The following NTNG1 variants were observed in gnomAD, a reference collection of about 807,000 sequenced individuals.
NTNG1 encodes the protein netrin G1, also known as netrin-G1.
A neutral mutation model predicts 54.0 loss-of-function variants in NTNG1; 16 were observed. The ratio of observed to expected loss-of-function variants is 0.30; its 90% CI spans 0.20 to 0.45. The LOEUF is 0.45. Ranked by LOEUF, NTNG1 falls within the 20% of genes least tolerant of loss-of-function variation. The pLI is 1.00. For synonymous variants in NTNG1, 255 were observed against 263.1 expected, an observed-to-expected ratio of 0.97 and a Z score of 0.30; for missense variants, 530 against 678.7, an observed-to-expected ratio of 0.78 and a Z score of 2.43.
rs373796820 is a variant in NTNG1 at position 107,254,674 on chromosome 1, G to A, written c.247-69608G>A. ...ATAGGATTTTGTGCAATGGGGAATC[G>A]TAACAAATTTAAATAGAAGAGTACT... On this transcript the variant is annotated intron_variant, in intron 2 of 7. Coordinates refer to ENST00000370068, the MANE Select transcript of NTNG1 (RefSeq NM_001113226.3). Among the ~76,000 whole-genome samples the A allele has an allele frequency of 3.3e-5, 5 of 152,212 alleles. No homozygotes were observed. The East Asian group carries it at 5.8e-4, about 18-fold the overall frequency.
At position 107,267,664 on chromosome 1, in the gene NTNG1, T is replaced by C. The variant is rs1299470537; in HGVS notation, c.247-56618T>C. Among the ~76,000 whole-genome samples the C allele has an allele frequency of 2.0e-5, 3 of 152,188 alleles. No individual in the cohort carries two copies. In the East Asian group the frequency reaches 5.8e-4, roughly 29 times the overall value. On this transcript the variant is annotated intron_variant, in intron 2 of 7. Transcript: ENST00000370068. Reference sequence around the variant, plus strand: ...AGTCCCCAGGGTGTCCACCATACTCTTGCCCTCAGGTCTTTGAACGTGCTG... The same window carrying C: ...AGTCCCCAGGGTGTCCACCATACTCCTGCCCTCAGGTCTTTGAACGTGCTG...
At chr1:107,211,310 C>T (rs72981679) in intron 2 of NTNG1, among the ~76,000 whole-genome samples, 1 of 152,114 alleles carries the variant, frequency 6.6e-6, no homozygotes, top group African/African-American at 2.4e-5. Flanking sequence ...TGAAGCTAAG[C>T]CCCAGACTGA....
At chr1:107,376,276 C>T (rs538662833) in intron 3 of NTNG1, among the ~76,000 whole-genome samples, 128 of 152,128 alleles carry the variant, frequency 8.4e-4, no homozygotes, top group Middle Eastern at 3.4e-3. Flanking sequence ...GGCGCGGTGG[C>T]GGGCGCCTGT....
chr1:107,318,269 A>G (rs1007978733), intron 2 of NTNG1, among the ~76,000 whole-genome samples: 1 of 152,046 alleles, frequency 6.6e-6, no homozygotes, highest in Non-Finnish European at 1.5e-5. Context: ...CACACTCTGG[A>G]TGTTACCCAC....
intron 3 of NTNG1, among the ~76,000 whole-genome samples, chr1:107,335,699 A>G (rs2101909574): frequency 6.6e-6 from 1 of 152,012 alleles, no homozygotes; most frequent in African/African-American, 2.4e-5. Context: ...GTATCGTCAG[A>G]AAAAAATAGT....
chr1:107,383,053 T>G (rs954338929), intron 3 of NTNG1, among the ~76,000 whole-genome samples: 1 of 152,252 alleles, frequency 6.6e-6, no homozygotes, highest in Non-Finnish European at 1.5e-5. Flanking sequence ...TGGAGTGTAG[T>G]ATTCTTTTAC....
At chr1:107,454,966 G>A (rs1382687959) in intron 7 of NTNG1, among the ~76,000 whole-genome samples, 14 of 152,100 alleles carry the variant, frequency 9.2e-5, no homozygotes, top group Non-Finnish European at 2.1e-4. Flanking sequence ...TGCTACGTGT[G>A]AGCACAGTGC....
rs542984135 is a variant in NTNG1, at chr1:107,294,527, C to T, written c.247-29755C>T. Among the ~76,000 whole-genome samples, 5 of 152,260 alleles carry T rather than the reference C, an allele frequency of 3.3e-5. No individual in the cohort carries two copies. The East Asian group carries it at 5.8e-4, about 18-fold the overall frequency. ...ACTTCCCTGCCCCTCCACTACTAAA[C>T]CTATAATCCGAAACATATATCCTGT... On this transcript the variant is annotated intron_variant, in intron 2 of 7. Coordinates refer to ENST00000370068, the MANE Select transcript of NTNG1 (RefSeq NM_001113226.3).
chr1:107,243,712 C>A (rs1661995023), intron 2 of NTNG1, among the ~76,000 whole-genome samples: 1 of 152,076 alleles, frequency 6.6e-6, no homozygotes, highest in South Asian at 2.1e-4. Context: ...GCCACCACAG[C>A]TGGCTTCTTA....
At chr1:107,409,810 G>T (rs1046501482) in intron 5 of NTNG1, 2 of 152,086 alleles carry the variant, frequency 1.3e-5, no homozygotes, top group Admixed American at 1.3e-4. Context: ...CCTGTTTCCT[G>T]GCTTTTAAGG....
At chr1:107,313,602 C>T (rs1208507569) in intron 2 of NTNG1, among the ~76,000 whole-genome samples, 1 of 151,902 alleles carries the variant, frequency 6.6e-6, no homozygotes, top group Non-Finnish European at 1.5e-5. Context: ...GTGAGAAGAC[C>T]ACGGGTGCAC....
intron 7 of NTNG1, among the ~76,000 whole-genome samples, chr1:107,463,370 T>C (rs1171542069): frequency 6.6e-6 from 1 of 152,238 alleles, no homozygotes; most frequent in Non-Finnish European, 1.5e-5. Flanking sequence ...ACGTTAACAT[T>C]GTAAACTCAA....
chr1:107,336,401 C>G (rs1440814316), intron 3 of NTNG1, among the ~76,000 whole-genome samples: 1 of 151,572 alleles, frequency 6.6e-6, no homozygotes, highest in Non-Finnish European at 1.5e-5. Flanking sequence ...GAAAACTGAA[C>G]AGTCACATGC....
At chr1:107,327,299 T>C (rs984196033) in intron 3 of NTNG1, among the ~76,000 whole-genome samples, 1 of 152,106 alleles carries the variant, frequency 6.6e-6, no homozygotes, top group Non-Finnish European at 1.5e-5. Flanking sequence ...GTCTGATGGC[T>C]CGGGCGTGTC....
In NTNG1 at chr1:107,208,700, T is replaced by C. The variant is rs146647928; in HGVS notation, c.246+59861T>C. 2.4e-3 allele frequency among the ~76,000 whole-genome samples: 368 copies of C among 152,234 alleles called. 2 individuals carry two copies. Among genetic ancestry groups the C allele is most frequent in the African/African-American group, 8.2e-3 (340 of 41,560 alleles). ...ACTTCCAGTGACCAAGGCATTGTCC[T>C]TGGGTTAGGCATGTATCCCCTACTC... On this transcript the variant is annotated intron_variant, in intron 2 of 7. Coordinates refer to ENST00000370068, the MANE Select transcript of NTNG1 (RefSeq NM_001113226.3).
intron 2 of NTNG1, among the ~76,000 whole-genome samples, chr1:107,223,235 C>T (rs185456768): frequency 3.3e-5 from 5 of 151,618 alleles, no homozygotes; most frequent in East Asian, 1.9e-4. Context: ...GAAAAGGAGG[C>T]GAGAACACGC....
intron 2 of NTNG1, among the ~76,000 whole-genome samples, chr1:107,318,869 G>A (rs945860918): frequency 1.3e-5 from 2 of 152,130 alleles, no homozygotes; most frequent in Non-Finnish European, 2.9e-5. Flanking sequence ...CATTAGTAGA[G>A]ATCACTGCCC....
chr1:107,426,469 G>T (rs1227773567), intron 5 of NTNG1, among the ~76,000 whole-genome samples: 1 of 152,064 alleles, frequency 6.6e-6, no homozygotes, highest in Non-Finnish European at 1.5e-5. Flanking sequence ...TGGAAGGTCA[G>T]AGGTTGTAGG....
intron 5 of NTNG1, among the ~76,000 whole-genome samples, chr1:107,412,267 A>G (rs368744074): frequency 1.3e-5 from 2 of 152,214 alleles, no homozygotes; most frequent in South Asian, 2.1e-4. Context: ...CAGTTACTTC[A>G]AGGATGTGGC....
Sources: allele counts gnomAD v4.1 joint callset (sites outside exome capture counted in the v4.1 genomes callset), GRCh38; gene constraint gnomAD v4.1.1; transcripts MANE v1.5; gene names NCBI Gene and HGNC (gene_info 2026-07-23, HGNC 2026-07-21).